SORCS1: variants seen among roughly 807,000 people sequenced by gnomAD.
SORCS1 encodes VPS10 domain-containing receptor SorCS1.
Under a neutral mutation model 146.1 loss-of-function variants are expected in SORCS1, and 60 were observed. The ratio of observed to expected loss-of-function variants is 0.41; its 90% CI spans 0.33 to 0.51. SORCS1 has a LOEUF of 0.51. Ranked by LOEUF, SORCS1 falls within the 20% of genes least tolerant of loss-of-function variation. SORCS1 has a pLI of 0.21. For missense variants in SORCS1, 1,352 were observed against 1,487.6 expected (o/e 0.91, Z 1.50); for synonymous variants, 637 against 584.0 (o/e 1.09, Z -1.31).
chr10:106,866,101 G>A lies in SORCS1; in HGVS notation c.627-36428C>T, dbSNP rs891137119. Among the ~76,000 whole-genome samples, 4 of 150,820 alleles carry A rather than the reference G, an allele frequency of 2.7e-5. No individual in the cohort carries two copies. In the East Asian group the frequency reaches 5.9e-4, roughly 22 times the overall value. On this transcript the variant is annotated intron_variant, in intron 2 of 25. Transcript: ENST00000263054. Reference sequence around the variant, plus strand: ...CCATATCTCCTCACTGGCCACCCCCGACTAGGGCTATTGAGCCAATAGCAG... The same window carrying A: ...CCATATCTCCTCACTGGCCACCCCCAACTAGGGCTATTGAGCCAATAGCAG...
intron 1 of SORCS1, among the ~76,000 whole-genome samples, chr10:106,999,722 T>C (rs1402461029): frequency 6.6e-6 from 1 of 152,204 alleles, no homozygotes; most frequent in Non-Finnish European, 1.5e-5. Context: ...GGCACTAGCC[T>C]CCAGATTATA....
intron 4 of SORCS1, among the ~76,000 whole-genome samples, chr10:106,774,201 G>A (rs1221952693): frequency 1.3e-5 from 2 of 152,152 alleles, no homozygotes; most frequent in Non-Finnish European, 2.9e-5. Context: ...CTTAGCATCT[G>A]ATGCCAGGAC....
chr10:106,775,080 C>G (rs962255873), intron 4 of SORCS1, among the ~76,000 whole-genome samples: 1 of 152,196 alleles, frequency 6.6e-6, no homozygotes, highest in East Asian at 1.9e-4. Flanking sequence ...GTGCTGGGAA[C>G]GAAAGGGTTA....
At chr10:106,992,120 G>GATC (rs1368135032) in intron 1 of SORCS1, among the ~76,000 whole-genome samples, 6 of 152,160 alleles carry the variant, frequency 3.9e-5, no homozygotes, top group Non-Finnish European at 5.9e-5. Flanking sequence ...GATCACAATG[G>GATC]ACAGGCTGTT....
At chr10:106,599,954 T>C (rs1205526986) in intron 23 of SORCS1, among the ~76,000 whole-genome samples, 1 of 151,948 alleles carries the variant, frequency 6.6e-6, no homozygotes, top group Non-Finnish European at 1.5e-5. Context: ...TGTTTGTTTG[T>C]TTGTTTTGTA....
intron 1 of SORCS1, among the ~76,000 whole-genome samples, chr10:107,143,930 C>T (rs1366072134): frequency 6.6e-6 from 1 of 152,050 alleles, no homozygotes; most frequent in African/African-American, 2.4e-5. Flanking sequence ...TGCGCCCAGC[C>T]CCAAACTCTT....
rs372482839 is a variant in SORCS1 at position 106,734,986 on chromosome 10, A to G, written c.960-4872T>C. On this transcript the variant is annotated intron_variant, in intron 5 of 25. Transcript: ENST00000263054. ...CATGGCAAAACCCCGTCTCTACTAA[A>G]AGTACAAAAATTAGCCGGGCATGGT... Among the ~76,000 whole-genome samples the G allele has an allele frequency of 1.1e-3, 168 of 152,128 alleles. 3 individuals are homozygous for G. In the South Asian group the frequency reaches 0.032, roughly 29 times the overall value.
the SORCS1 span, among the ~76,000 whole-genome samples, chr10:107,177,594 A>AT: frequency 6.6e-6 from 1 of 152,168 alleles, no homozygotes; most frequent in African/African-American, 2.4e-5. Flanking sequence ...AAAATAATTA[A>AT]TTTTTTTACT....
Position 106,688,380 on chromosome 10 carries a change from A to G in SORCS1, c.1414-42T>C, listed in dbSNP as rs777888591. ...TGGCTGAAAAATACATCAATTTGAG[A>G]AGGGATATATTTGTTTACTTTTTAA... is the stretch of plus-strand genomic sequence containing the variant. On this transcript the variant is annotated intron_variant, in intron 9 of 25. Transcript: ENST00000263054. 7 of 1,604,146 alleles carry G rather than the reference A, an allele frequency of 4.4e-6. No homozygotes were observed. The South Asian group carries it at 7.8e-5, about 18-fold the overall frequency.
chr10:106,667,709 C>T lies in SORCS1; in HGVS notation c.2283G>A (p.Gln761=), dbSNP rs1851270132. Residue 761 remains glutamine (Q), a synonymous_variant, in exon 17 of 26, where the codon CAG becomes CAA. Transcript: ENST00000263054. The stretch of plus-strand genomic sequence containing the variant: ...CTTACCCAGTACTATTGAGGTAACT[C>T]TGTCCCAAGCTGCAATCCTTTGACA... ...SSLSKDCSLG[Q]SYLNSTGYRK... The T allele has an allele frequency of 1.9e-6, 3 of 1,614,014 alleles. No individual in the cohort carries two copies. In the East Asian group the frequency reaches 6.7e-5, roughly 36 times the overall value.
At chr10:106,743,313 C>G (rs1857488623) in intron 5 of SORCS1, among the ~76,000 whole-genome samples, 1 of 152,200 alleles carries the variant, frequency 6.6e-6, no homozygotes, top group South Asian at 2.1e-4. Context: ...TTCGCTATGA[C>G]TATTCCACAG....
At chr10:107,113,958 A>G (rs1473781123) in intron 1 of SORCS1, among the ~76,000 whole-genome samples, 1 of 152,004 alleles carries the variant, frequency 6.6e-6, no homozygotes, top group Non-Finnish European at 1.5e-5. Flanking sequence ...AAATTATAAA[A>G]GCGACCCAAA....
Position 106,693,926 on chromosome 10 carries a change from T to C in SORCS1, c.1413+5288A>G, listed in dbSNP as rs1853494552. Reference sequence around the variant, plus strand: ...CCTTTAATGCTGACTAAAAGATGAATACTACCTACCACCCTCTCAGTCTCA... The same window carrying C: ...CCTTTAATGCTGACTAAAAGATGAACACTACCTACCACCCTCTCAGTCTCA... On this transcript the variant is annotated intron_variant, in intron 9 of 25. Transcript: ENST00000263054. Among the ~76,000 whole-genome samples, 6 of 152,132 alleles carry C rather than the reference T, an allele frequency of 3.9e-5. No homozygotes were observed. In the South Asian group the frequency reaches 1.2e-3, roughly 32 times the overall value.
At chr10:106,709,141 TG>T in intron 7 of SORCS1, 81 bp downstream of exon 7, 2 of 1,033,376 alleles carry the variant, frequency 1.9e-6, no homozygotes, top group Non-Finnish European at 1.5e-6. Context: ...TGACTCTTAA[TG>T]GAGTGTAAAG....
Position 106,730,222 on chromosome 10 carries a change from A to G in SORCS1, c.960-108T>C. On this transcript the variant is annotated intron_variant, in intron 5 of 25. Transcript: ENST00000263054. The stretch of plus-strand genomic sequence containing the variant: ...ACTATTAATATCCACAGGCATCTAA[A>G]CCCACAATCCTTAGAATATATCTAC... The G allele has an allele frequency of 3.2e-6, 3 of 942,536 alleles. No individual in the cohort carries two copies. The South Asian group carries it at 4.2e-5, about 13-fold the overall frequency. 58.4% of individuals were successfully genotyped at this position (942,536 alleles called of 1,614,324 possible). A position where few individuals can be genotyped will look rare whatever the true frequency, so the allele number is the denominator to read the frequency against.
chr10:106,953,142 A>AGTGTGT (rs60289278), intron 2 of SORCS1, among the ~76,000 whole-genome samples: 7 of 148,050 alleles, frequency 4.7e-5, no homozygotes, highest in East Asian at 2.0e-4. Flanking sequence ...CTGTGGGTAT[A>AGTGTGT]GTGTGTGTGT....
rs544853071 is a variant in SORCS1, at chr10:106,740,742, T to C, written c.960-10628A>G. 5.9e-5 allele frequency among the ~76,000 whole-genome samples: 9 copies of C among 152,344 alleles called. No individual in the cohort carries two copies. In the South Asian group the frequency reaches 1.2e-3, roughly 21 times the overall value. On this transcript the variant is annotated intron_variant, in intron 5 of 25. Coordinates refer to ENST00000263054, the MANE Select transcript of SORCS1 (RefSeq NM_052918.5). ...CTCTTGTTGGTGTCCTGCTCATCAA[T>C]TGTCAACAACTTGGGTGAAAATACA...
chr10:107,011,173 T>A (rs914944154), intron 1 of SORCS1, among the ~76,000 whole-genome samples: 2 of 152,236 alleles, frequency 1.3e-5, no homozygotes, highest in African/African-American at 4.8e-5. Flanking sequence ...ACTTTTTGGC[T>A]GTGGACAAAA....
intron 2 of SORCS1, among the ~76,000 whole-genome samples, chr10:106,932,634 T>G (rs1046126976): frequency 9.2e-5 from 14 of 152,150 alleles, no homozygotes; most frequent in African/African-American, 3.4e-4. Flanking sequence ...GCACCATAAT[T>G]CCAAGAAATC....
Sources: gnomAD v4.1 joint callset for allele counts (sites outside exome capture counted in the v4.1 genomes callset) on GRCh38, gnomAD v4.1.1 for gene constraint, MANE v1.5 for transcripts, NCBI Gene and HGNC (gene_info 2026-07-23, HGNC 2026-07-21) for gene names.